The following DUSP29 variants were observed in gnomAD, a reference collection of about 807,000 sequenced individuals.
The protein encoded by DUSP29 is dual specificity phosphatase 29.
Under a neutral mutation model 13.5 loss-of-function variants are expected in DUSP29, and 12 were observed. The ratio of observed to expected loss-of-function variants is 0.89; its 90% CI spans 0.57 to 1.44. DUSP29 has a LOEUF of 1.44. Among genes scored for constraint, DUSP29 ranks in the 40% most tolerant of loss-of-function variants. The pLI, the probability that DUSP29 is intolerant of heterozygous loss-of-function variation, is 0.00. For missense variants in DUSP29, 308 were observed against 301.1 expected, an observed-to-expected ratio of 1.02 and a Z score of -0.17; for synonymous variants, 134 against 128.7, an observed-to-expected ratio of 1.04 and a Z score of -0.28.
chr10:75,052,465 C>A (rs1476894242), intron 2 of DUSP29, among the ~76,000 whole-genome samples: 1 of 152,078 alleles, frequency 6.6e-6, no homozygotes, highest in East Asian at 1.9e-4. Flanking sequence ...CGCCACCATG[C>A]CAGGCTAATT....
rs553965305 is a variant in DUSP29, at chr10:75,069,631, C to T, written c.-35+3938G>A. On this transcript the variant is annotated intron_variant, in intron 1 of 3. Coordinates refer to ENST00000338487, the MANE Select transcript of DUSP29 (RefSeq NM_001003892.3). ...TTGGGAAGGCGAGGGGCTAAGGCTG[C>T]CACCTCTTAAATCTGCCACCCACAA... is the stretch of plus-strand genomic sequence containing the variant. 9.8e-5 allele frequency among the ~76,000 whole-genome samples: 15 copies of T among 152,298 alleles called. No homozygotes were observed. The East Asian group carries it at 2.9e-3, about 29-fold the overall frequency.
At position 75,073,590 on chromosome 10, in the gene DUSP29, C is replaced by A. The variant is rs148213411; in HGVS notation, c.-56G>T. On this transcript the variant is annotated 5_prime_UTR_variant, in exon 1 of 4. Transcript: ENST00000338487. ...TTACCTGGGTGTGCCGGGGCCTGGCCGCGTCGGGAGGTTCTGGTCCGTGGG... is the reference window on the plus strand; with the variant it reads ...TTACCTGGGTGTGCCGGGGCCTGGCAGCGTCGGGAGGTTCTGGTCCGTGGG... Among the ~76,000 whole-genome samples, 1 of 152,226 alleles carries A rather than the reference C, an allele frequency of 6.6e-6. No individual in the cohort carries two copies. Among genetic ancestry groups the A allele is most frequent in the African/African-American group, 2.4e-5 (1 of 41,464 alleles).
intron 2 of DUSP29, among the ~76,000 whole-genome samples, chr10:75,044,848 T>C (rs1352598227): frequency 1.3e-5 from 2 of 152,088 alleles, no homozygotes; most frequent in Non-Finnish European, 2.9e-5. Context: ...GGGAGAGGCC[T>C]GTGTCACTAC....
intron 1 of DUSP29, among the ~76,000 whole-genome samples, chr10:75,071,074 A>G (rs952515010): frequency 5.3e-5 from 8 of 152,190 alleles, no homozygotes; most frequent in African/African-American, 1.4e-4. Context: ...CTCTACCCCA[A>G]TGAGAGGCAC....
intron 1 of DUSP29, among the ~76,000 whole-genome samples, chr10:75,065,560 C>T (rs2134304779): frequency 6.6e-6 from 1 of 152,226 alleles, no homozygotes; most frequent in South Asian, 2.1e-4. Context: ...AACTTCTGAC[C>T]TCAAATGATC....
At position 75,067,622 on chromosome 10, in the gene DUSP29, G is replaced by A. The variant is rs544377227; in HGVS notation, c.-35+5947C>T. On this transcript the variant is annotated intron_variant, in intron 1 of 3. Transcript: ENST00000338487. ...ATGCCCCTGTGTAGGGTTGGGCTGG[G>A]CCAGGCCAGCATGGGAGGGGATCGG... 3.9e-5 allele frequency among the ~76,000 whole-genome samples: 6 copies of A among 152,234 alleles called. No individual in the cohort carries two copies. In the South Asian group the frequency reaches 1.2e-3, roughly 32 times the overall value.
chr10:75,037,711 G>T lies in DUSP29; in HGVS notation c.*125C>A. 1 of 1,470,986 alleles carries T rather than the reference G, an allele frequency of 6.8e-7. No homozygotes were observed. Among genetic ancestry groups the T allele is most frequent in the Non-Finnish European group, 9.0e-7 (1 of 1,105,406 alleles). 91.1% of individuals were successfully genotyped at this position (1,470,986 alleles called of 1,614,324 possible). On this transcript the variant is annotated 3_prime_UTR_variant, in exon 4 of 4. Transcript: ENST00000338487. ...TGTCCCCAGCACACATGGGGAAGTT[G>T]AACAAGATGGTTTGGAAGAGTCGAG... is the stretch of plus-strand genomic sequence containing the variant.
chr10:75,041,130 A>G (rs1417067691), intron 3 of DUSP29, among the ~76,000 whole-genome samples: 4 of 152,202 alleles, frequency 2.6e-5, no homozygotes, highest in Non-Finnish European at 5.9e-5. Flanking sequence ...AAGTAGGTCC[A>G]GCACTAAAAT....
intron 2 of DUSP29, among the ~76,000 whole-genome samples, chr10:75,056,730 A>G (rs993243699): frequency 6.6e-6 from 1 of 152,150 alleles, no homozygotes; most frequent in Non-Finnish European, 1.5e-5. Context: ...GCAATAGCCC[A>G]CACAAGGTAG....
At chr10:75,070,303 T>C (rs546374520) in intron 1 of DUSP29, among the ~76,000 whole-genome samples, 1 of 152,236 alleles carries the variant, frequency 6.6e-6, no homozygotes, top group South Asian at 2.1e-4. Flanking sequence ...TACTTCACTA[T>C]ATTCTTGGTC....
chr10:75,058,103 T>C lies in DUSP29; in HGVS notation c.200+212A>G, dbSNP rs566068824. Among the ~76,000 whole-genome samples the C allele has an allele frequency of 2.6e-5, 4 of 152,340 alleles. No individual in the cohort carries two copies. In the East Asian group the frequency reaches 5.8e-4, roughly 22 times the overall value. On this transcript the variant is annotated intron_variant, in intron 2 of 3. Transcript: ENST00000338487. ...CCGTGCCAGCCCCAGCCCACCTCCC[T>C]CTGCACTTATATGTGAGAGAGAAAT... is the stretch of plus-strand genomic sequence containing the variant.
chr10:75,059,134 G>A (rs1344545794), intron 1 of DUSP29, among the ~76,000 whole-genome samples: 1 of 152,210 alleles, frequency 6.6e-6, no homozygotes, highest in Non-Finnish European at 1.5e-5. Context: ...TGTCAGAAGA[G>A]CTGAAGGCAA....
rs762299573 is a variant in DUSP29 at position 75,043,898 on chromosome 10, T to A, written c.320A>T (p.Gln107Leu). The A allele has an allele frequency of 6.2e-7, 1 of 1,614,054 alleles. No individual in the cohort carries two copies. The highest frequency in any genetic ancestry group is 2.2e-5 in the East Asian group (1 of 44,880). ...GTCGTCGGCCTCCACGCCGTGGTAC[T>A]GGATGTCCATGTCGCGGTAGTAGTC... ...GPDYYRDMDI[Q>L]YHGVEADDLP... The change falls in exon 3 of 4, where the codon CAG becomes CTG. Residue 107 changes from glutamine (Q) to leucine (L), a missense_variant. Transcript: ENST00000338487.
intron 3 of DUSP29, among the ~76,000 whole-genome samples, chr10:75,039,928 C>CCA (rs1309101278): frequency 1.3e-5 from 2 of 152,106 alleles, no homozygotes; most frequent in Non-Finnish European, 2.9e-5. Context: ...GCCTCTAATC[C>CCA]CAGCACTTTG....
intron 1 of DUSP29, among the ~76,000 whole-genome samples, 192 bp downstream of exon 1, chr10:75,073,377 G>A (rs760804227): frequency 4.6e-5 from 7 of 152,216 alleles, no homozygotes; most frequent in Non-Finnish European, 8.8e-5. Context: ...TTGGAGAAAG[G>A]GAAATGGAGA....
intron 2 of DUSP29, among the ~76,000 whole-genome samples, chr10:75,046,196 G>T (rs1336908676): frequency 1.3e-5 from 2 of 152,200 alleles, no homozygotes; most frequent in African/African-American, 4.8e-5. Flanking sequence ...GCTAGGATCT[G>T]TGTTTGGGAG....
Position 75,060,497 on chromosome 10 carries a change from T to C in DUSP29, c.-34-1949A>G, listed in dbSNP as rs560943584. Among the ~76,000 whole-genome samples the C allele has an allele frequency of 3.3e-5, 5 of 151,834 alleles. No homozygotes were observed. The East Asian group carries it at 9.7e-4, about 29-fold the overall frequency. The stretch of plus-strand genomic sequence containing the variant: ...AAAAAAAAAAAAAACCCAAAACTTA[T>C]TATGCACGGTTGGAAGATGTTTGGG... On this transcript the variant is annotated intron_variant, in intron 1 of 3. Transcript: ENST00000338487.
chr10:75,059,052 G>A (rs945271865), intron 1 of DUSP29, among the ~76,000 whole-genome samples: 6 of 152,178 alleles, frequency 3.9e-5, no homozygotes, highest in Non-Finnish European at 7.4e-5. Context: ...GCCTGGGTCT[G>A]GGCCACACGC....
intron 2 of DUSP29, among the ~76,000 whole-genome samples, chr10:75,046,301 T>C (rs1328427344): frequency 6.6e-6 from 1 of 152,036 alleles, no homozygotes; most frequent in Non-Finnish European, 1.5e-5. Context: ...GGACTTCAGC[T>C]CAGGGAAGAT....
Sources: allele counts gnomAD v4.1 joint callset (sites outside exome capture counted in the v4.1 genomes callset), GRCh38; gene constraint gnomAD v4.1.1; transcripts MANE v1.5; gene names NCBI Gene and HGNC (gene_info 2026-07-23, HGNC 2026-07-21).